SENP6: variants seen among roughly 807,000 people sequenced by gnomAD.
SENP6 encodes SUMO specific peptidase 6, also known as sentrin-specific protease 6.
SENP6 carries 41 observed loss-of-function variants against 134.5 expected under a neutral mutation model. The ratio of observed to expected loss-of-function variants is 0.30; its 90% CI spans 0.24 to 0.40. The LOEUF is 0.40. Among genes scored for constraint, SENP6 ranks in the 10% least tolerant of loss-of-function variants. The probability of loss-of-function intolerance (pLI) is 1.00; values close to 1 mark genes in which losing one functional copy is unlikely to be tolerated. For synonymous variants in SENP6, 395 were observed against 429.8 expected, an observed-to-expected ratio of 0.92 and a Z score of 1.00; for missense variants, 1,248 against 1,312.5, an observed-to-expected ratio of 0.95 and a Z score of 0.76.
At chr6:75,603,570 CT>C (rs1241954075) in intron 1 of SENP6, among the ~76,000 whole-genome samples, 1 of 152,102 alleles carries the variant, frequency 6.6e-6, no homozygotes, top group Non-Finnish European at 1.5e-5. Context: ...CAAAAAATAA[CT>C]TCTTTTAGTA....
chr6:75,695,122 C>T (rs1411334120), intron 16 of SENP6, among the ~76,000 whole-genome samples: 1 of 152,120 alleles, frequency 6.6e-6, no homozygotes, highest in African/African-American at 2.4e-5. Context: ...GTGATCTGCC[C>T]ACCTCAGCCT....
At position 75,716,218 on chromosome 6, in the gene SENP6, A is replaced by C. The variant is rs1374928153; in HGVS notation, c.*624A>C. The C allele has an allele frequency of 6.6e-6, 1 of 151,940 alleles. No individual in the cohort carries two copies. Among genetic ancestry groups the C allele is most frequent in the Non-Finnish European group, 1.5e-5 (1 of 67,846 alleles). The allele number at this position is 151,940 out of a possible 1,614,324, so 9.4% of individuals were successfully genotyped here. On this transcript the variant is annotated 3_prime_UTR_variant, in exon 24 of 24. Coordinates refer to ENST00000447266, the MANE Select transcript of SENP6 (RefSeq NM_015571.4). Reference sequence around the variant, plus strand: ...GAGGAAAGAGTATTAAGAGCAATTCAAAAAAAGTAACCTTATACTACTAAA... The same window carrying C: ...GAGGAAAGAGTATTAAGAGCAATTCCAAAAAAGTAACCTTATACTACTAAA...
chr6:75,716,844 C>G lies in SENP6; in HGVS notation c.*1250C>G, dbSNP rs929457572. ...GTTGAGAATAAAAAGAAAGCCTAAT[C>G]ATCAGCAATTATTTTATTTTTAATT... On this transcript the variant is annotated 3_prime_UTR_variant, in exon 24 of 24. Coordinates refer to ENST00000447266, the MANE Select transcript of SENP6 (RefSeq NM_015571.4). 3 of 151,878 alleles carry G rather than the reference C, an allele frequency of 2.0e-5. No homozygotes were observed. The highest frequency in any genetic ancestry group is 4.4e-5 in the Non-Finnish European group (3 of 67,810). 9.4% of individuals were successfully genotyped at this position (151,878 alleles called of 1,614,324 possible).
At chr6:75,649,008 T>G (rs1770661107) in intron 7 of SENP6, among the ~76,000 whole-genome samples, 1 of 152,106 alleles carries the variant, frequency 6.6e-6, no homozygotes, top group Non-Finnish European at 1.5e-5. Flanking sequence ...TATTTTTATT[T>G]TAACAAATGC....
intron 1 of SENP6, among the ~76,000 whole-genome samples, chr6:75,617,464 G>T (rs1037997503): frequency 1.3e-4 from 20 of 151,444 alleles, no homozygotes; most frequent in Non-Finnish European, 2.7e-4. Flanking sequence ...TAGAGACAGG[G>T]TTTCTCCACG....
At chr6:75,661,771 G>A (rs189311059) in intron 8 of SENP6, among the ~76,000 whole-genome samples, 33 of 152,214 alleles carry the variant, frequency 2.2e-4, no homozygotes, top group South Asian at 6.2e-4. Context: ...TCTGTGGGCC[G>A]GGCACAGTGG....
chr6:75,636,941 C>T (rs1185046221), intron 5 of SENP6, among the ~76,000 whole-genome samples: 2 of 149,204 alleles, frequency 1.3e-5, no homozygotes, highest in Non-Finnish European at 1.5e-5. Flanking sequence ...AGTGTAGTGT[C>T]TCAGTCATAG....
chr6:75,613,135 A>G (rs2149821908), intron 1 of SENP6, among the ~76,000 whole-genome samples: 1 of 152,068 alleles, frequency 6.6e-6, no homozygotes, highest in East Asian at 1.9e-4. Flanking sequence ...AAAGAAAAGA[A>G]AACTATGACC....
chr6:75,660,696 G>A (rs188114737), intron 8 of SENP6, among the ~76,000 whole-genome samples: 42 of 151,720 alleles, frequency 2.8e-4, no homozygotes, highest in African/African-American at 9.7e-4. Flanking sequence ...TGAGTGGAGC[G>A]ATCTCGGCTC....
rs371421182 is a variant in SENP6 at position 75,695,813 on chromosome 6, G to A, written c.2085G>A (p.Val695=). The change falls in exon 17 of 24, where the codon GTG becomes GTA. Residue 695 remains valine (V), a synonymous_variant. Transcript: ENST00000447266. ...ATTTTCTATCAAATAGATACTTGGT[G>A]CTTGAAAAACTGAAGAAGGAAGACG... ...VIIDFYLKYL[V]LEKLKKEDAD... The A allele has an allele frequency of 1.2e-5, 19 of 1,586,226 alleles. No homozygotes were observed. The highest frequency in any genetic ancestry group is 1.5e-5 in the Non-Finnish European group (18 of 1,166,840).
intron 7 of SENP6, among the ~76,000 whole-genome samples, chr6:75,652,700 A>AAAAG (rs1414065968): frequency 2.0e-5 from 3 of 149,662 alleles, no homozygotes; most frequent in African/African-American, 7.4e-5. Context: ...AAAAAAAAAA[A>AAAAG]AAAGAAAAAG....
intron 11 of SENP6, among the ~76,000 whole-genome samples, chr6:75,670,958 C>A (rs1386906149): frequency 6.7e-6 from 1 of 149,404 alleles, no homozygotes; most frequent in African/African-American, 2.4e-5. Context: ...ATGAAACTTT[C>A]AATGAGTTAG....
At chr6:75,661,365 C>T (rs1771762798) in intron 8 of SENP6, among the ~76,000 whole-genome samples, 1 of 152,184 alleles carries the variant, frequency 6.6e-6, no homozygotes, top group South Asian at 2.1e-4. Context: ...TACTGCTTAG[C>T]CTAGGTAAAG....
At chr6:75,645,662 C>G (rs1458634641) in intron 6 of SENP6, among the ~76,000 whole-genome samples, 1 of 152,024 alleles carries the variant, frequency 6.6e-6, no homozygotes, top group Non-Finnish European at 1.5e-5. Context: ...TTTAGATCAT[C>G]TAGCAAAAAG....
chr6:75,681,490 G>T (rs1364041084), intron 16 of SENP6, among the ~76,000 whole-genome samples: 20 of 147,790 alleles, frequency 1.4e-4, no homozygotes, highest in Non-Finnish European at 1.0e-4. Context: ...ATGGAGTCTT[G>T]CTCTCTCACC....
chr6:75,617,271 T>G (rs1332949543), intron 1 of SENP6, among the ~76,000 whole-genome samples: 5 of 127,294 alleles, frequency 3.9e-5, no homozygotes, highest in Non-Finnish European at 6.7e-5. Context: ...TTCTTTTTTT[T>G]TTTTTTTTTT....
intron 9 of SENP6, among the ~76,000 whole-genome samples, chr6:75,665,687 T>C (rs916466274): frequency 1.3e-5 from 2 of 152,168 alleles, no homozygotes; most frequent in Non-Finnish European, 2.9e-5. Flanking sequence ...TCCAGATTTT[T>C]CCAAGGACCA....
intron 1 of SENP6, among the ~76,000 whole-genome samples, chr6:75,618,675 A>G (rs1403242302): frequency 6.6e-6 from 1 of 152,328 alleles, no homozygotes. Flanking sequence ...GTGTTACAAC[A>G]TACCTGTACA....
intron 16 of SENP6, among the ~76,000 whole-genome samples, chr6:75,694,733 A>G (rs1359237174): frequency 6.6e-6 from 1 of 152,148 alleles, no homozygotes; most frequent in East Asian, 1.9e-4. Context: ...TCTATTTCAG[A>G]TATTTCATTG....
Sources: allele counts gnomAD v4.1 joint callset (sites outside exome capture counted in the v4.1 genomes callset), GRCh38; gene constraint gnomAD v4.1.1; transcripts MANE v1.5; gene names NCBI Gene and HGNC (gene_info 2026-07-23, HGNC 2026-07-21).